The following CPAP variants were observed in gnomAD, a reference collection of about 807,000 sequenced individuals.
CPAP encodes the protein centrosome assembly and centriole elongation protein.
chr13:24,911,925 C>T, the CPAP span: 76 of 1,613,706 alleles, frequency 4.7e-5, no homozygotes, highest in Admixed American at 1.0e-4. Flanking sequence ...TATACTGAGG[C>T]CCTGTGTAGG....
chr13:24,905,462 C>T, the CPAP span: 1 of 1,614,100 alleles, frequency 6.2e-7, no homozygotes, highest in Non-Finnish European at 8.5e-7. Flanking sequence ...TGTAGGAGGA[C>T]TTCTGCTCCT....
the CPAP span, chr13:24,912,806 G>C: frequency 9.7e-5 from 157 of 1,614,194 alleles, no homozygotes; most frequent in Non-Finnish European, 1.2e-4. Flanking sequence ...TCTTCAAGAA[G>C]TGAATCTTCT....
chr13:24,889,499 G>T, the CPAP span: 1 of 836,218 alleles, frequency 1.2e-6, no homozygotes, highest in Non-Finnish European at 1.9e-6. Flanking sequence ...GAATGCTGTG[G>T]GTTTTGTTTA....
chr13:24,911,424 T>A, the CPAP span, among the ~76,000 whole-genome samples: 1 of 152,222 alleles, frequency 6.6e-6, no homozygotes, highest in Non-Finnish European at 1.5e-5. Context: ...GTTCTTCAGC[T>A]GAACAGAGTG....
the CPAP span, among the ~76,000 whole-genome samples, chr13:24,887,101 G>A: frequency 6.6e-6 from 1 of 152,256 alleles, no homozygotes; most frequent in Admixed American, 6.5e-5. Flanking sequence ...CTAGGGGAGG[G>A]ATGTTTATGA....
At chr13:24,933,175 C>T in the CPAP span, 52 of 1,433,468 alleles carry the variant, frequency 3.6e-5, no homozygotes, top group Non-Finnish European at 4.4e-5. Flanking sequence ...GATAAAACAT[C>T]GCGCATTCAG....
the CPAP span, among the ~76,000 whole-genome samples, chr13:24,917,825 C>A: frequency 6.6e-6 from 1 of 152,138 alleles, no homozygotes; most frequent in African/African-American, 2.4e-5. Flanking sequence ...AGTGTTGTCC[C>A]ATGGGGGAAG....
chr13:24,917,164 T>C, the CPAP span, among the ~76,000 whole-genome samples: 2 of 152,230 alleles, frequency 1.3e-5, no homozygotes, highest in Non-Finnish European at 2.9e-5. Context: ...GGCAGAAGGA[T>C]GGCGTGAACC....
chr13:24,882,869 T>A, the CPAP span: 2 of 210,284 alleles, frequency 9.5e-6, no homozygotes, highest in Non-Finnish European at 2.1e-5. Flanking sequence ...TTCCTGTACT[T>A]CTTGGTTTTT....
the CPAP span, among the ~76,000 whole-genome samples, chr13:24,920,012 T>C: frequency 6.6e-6 from 1 of 152,142 alleles, no homozygotes; most frequent in Non-Finnish European, 1.5e-5. Flanking sequence ...GCTCAAGCCA[T>C]CCTCCTGCTT....
At chr13:24,909,782 T>C in the CPAP span, 305 of 1,608,148 alleles carry the variant, frequency 1.9e-4, no homozygotes, top group Non-Finnish European at 2.4e-4. Flanking sequence ...GAAACATAAG[T>C]AGCTCACCTG....
chr13:24,917,032 C>T, the CPAP span, among the ~76,000 whole-genome samples: 1 of 152,154 alleles, frequency 6.6e-6, no homozygotes, highest in Admixed American at 6.5e-5. Flanking sequence ...GGGAGGATCA[C>T]GAGGTCAGGA....
chr13:24,913,751 G>C, the CPAP span, among the ~76,000 whole-genome samples: 2 of 152,238 alleles, frequency 1.3e-5, no homozygotes, highest in African/African-American at 4.8e-5. Flanking sequence ...CAAGCACCAT[G>C]TCTGGCAGGT....
the CPAP span, among the ~76,000 whole-genome samples, chr13:24,932,138 G>A: frequency 6.6e-6 from 1 of 152,124 alleles, no homozygotes; most frequent in East Asian, 1.9e-4. Flanking sequence ...ACCCGGACCC[G>A]CGATCCCCAA....
At chr13:24,912,125 C>A in the CPAP span, 1 of 1,522,012 alleles carries the variant, frequency 6.6e-7, no homozygotes, top group Non-Finnish European at 9.1e-7. Flanking sequence ...TTCATGGACA[C>A]CTCGTTCCCT....
At chr13:24,922,677 A>T in the CPAP span, 1 of 152,354 alleles carries the variant, frequency 6.6e-6, no homozygotes, top group Non-Finnish European at 1.5e-5. Flanking sequence ...AGGTCCGAGC[A>T]GAGTCCTGCC....
the CPAP span, chr13:24,908,031 T>C: frequency 6.2e-7 from 1 of 1,608,816 alleles, no homozygotes; most frequent in Non-Finnish European, 8.5e-7. Flanking sequence ...TCTTCAATAT[T>C]AGCCACTTCT....
chr13:24,885,733 T>A, the CPAP span: 3 of 1,127,864 alleles, frequency 2.7e-6, no homozygotes, highest in Non-Finnish European at 4.0e-6. Flanking sequence ...ATTAGTATGA[T>A]CACACATTTC....
chr13:24,932,371 G>A, the CPAP span, among the ~76,000 whole-genome samples: 1 of 152,248 alleles, frequency 6.6e-6, no homozygotes, highest in Non-Finnish European at 1.5e-5. Context: ...CAGCTACGCT[G>A]GAGGCTGAGG....
Sources: gnomAD v4.1 joint callset for allele counts (sites outside exome capture counted in the v4.1 genomes callset) on GRCh38, gnomAD v4.1.1 for gene constraint, MANE v1.5 for transcripts, NCBI Gene and HGNC (gene_info 2026-07-23, HGNC 2026-07-21) for gene names.